CDH13: variants seen among roughly 807,000 people sequenced by gnomAD.
CDH13 encodes cadherin 13, also known as cadherin-13.
In CDH13, 24 loss-of-function variants were observed where a neutral mutation model predicts 63.8. That is an observed-to-expected ratio of 0.38 (90% confidence interval 0.27 to 0.53). CDH13 has a LOEUF of 0.53. Ranked by LOEUF, CDH13 falls within the 20% of genes least tolerant of loss-of-function variation. The probability of loss-of-function intolerance (pLI) is 0.85; values close to 1 mark genes in which losing one functional copy is unlikely to be tolerated. For missense variants in CDH13, 1,049 were observed against 903.1 expected, an observed-to-expected ratio of 1.16 and a Z score of -2.07; for synonymous variants, 503 against 355.3, an observed-to-expected ratio of 1.42 and a Z score of -4.67.
chr16:82,893,257 G>A (rs2041144567), intron 2 of CDH13, among the ~76,000 whole-genome samples: 1 of 152,246 alleles, frequency 6.6e-6, no homozygotes, highest in Non-Finnish European at 1.5e-5. Flanking sequence ...ATACACATAT[G>A]TGTTGGCATC....
At chr16:83,781,688 T>C (rs1404350488) in intron 12 of CDH13, among the ~76,000 whole-genome samples, 1 of 152,162 alleles carries the variant, frequency 6.6e-6, no homozygotes, top group Non-Finnish European at 1.5e-5. Context: ...TTTTATTTGC[T>C]AGTTTTTATG....
At chr16:82,651,522 G>C (rs1910718478) in intron 1 of CDH13, among the ~76,000 whole-genome samples, 1 of 152,214 alleles carries the variant, frequency 6.6e-6, no homozygotes. Flanking sequence ...GAGAGTATAT[G>C]GGTGGCGTAT....
intron 2 of CDH13, among the ~76,000 whole-genome samples, chr16:82,926,966 A>G (rs182022123): frequency 4.6e-5 from 7 of 152,296 alleles, no homozygotes; most frequent in Non-Finnish European, 7.4e-5. Flanking sequence ...TGAGGGCTCA[A>G]TGGGGACTAT....
intron 6 of CDH13, among the ~76,000 whole-genome samples, chr16:83,467,075 T>A (rs1441351958): frequency 6.6e-6 from 1 of 152,004 alleles, no homozygotes; most frequent in African/African-American, 2.4e-5. Context: ...TTCTAAAATT[T>A]CTCCATAAAA....
intron 2 of CDH13, among the ~76,000 whole-genome samples, chr16:82,964,077 G>A (rs897166253): frequency 6.6e-6 from 1 of 152,156 alleles, no homozygotes; most frequent in Non-Finnish European, 1.5e-5. Flanking sequence ...GATTTGTACA[G>A]TATGACCCTC....
chr16:83,231,801 T>C (rs1254822702), intron 5 of CDH13, among the ~76,000 whole-genome samples: 20 of 152,164 alleles, frequency 1.3e-4, no homozygotes, highest in Admixed American at 1.2e-3. Context: ...CCACATCTTA[T>C]ATTGAAATGC....
intron 1 of CDH13, among the ~76,000 whole-genome samples, chr16:82,819,726 A>G (rs1194703005): frequency 2.2e-4 from 33 of 152,242 alleles, no homozygotes; most frequent in Non-Finnish European, 2.9e-5. Context: ...CTTCTTCAAA[A>G]TGTATTGAAT....
chr16:83,658,695 G>T (rs1913128369), intron 8 of CDH13, among the ~76,000 whole-genome samples: 1 of 150,816 alleles, frequency 6.6e-6, no homozygotes, highest in Admixed American at 6.6e-5. Context: ...TCACCACCAG[G>T]TCCCATATCC....
chr16:83,190,316 G>T (rs1393987335), intron 4 of CDH13, among the ~76,000 whole-genome samples: 2 of 152,188 alleles, frequency 1.3e-5, no homozygotes, highest in Non-Finnish European at 2.9e-5. Flanking sequence ...TGGGAGGGTT[G>T]ATGTAAGAAG....
At position 83,275,921 on chromosome 16, in the gene CDH13, C is replaced by G. The variant is rs1015315408; in HGVS notation, c.636+58424C>G. ...CTAATGAAGCACTTTCGTTTTTATG[C>G]TTTATGTTCTATAATAGAAAAAATC... is the stretch of plus-strand genomic sequence containing the variant. On this transcript the variant is annotated intron_variant, in intron 5 of 13. Coordinates refer to ENST00000567109, the MANE Select transcript of CDH13 (RefSeq NM_001257.5). Among the ~76,000 whole-genome samples, 4 of 152,234 alleles carry G rather than the reference C, an allele frequency of 2.6e-5. No homozygotes were observed. In the East Asian group the frequency reaches 7.7e-4, roughly 29 times the overall value.
chr16:83,239,691 A>C (rs1315961131), intron 5 of CDH13, among the ~76,000 whole-genome samples: 1 of 152,170 alleles, frequency 6.6e-6, no homozygotes, highest in Non-Finnish European at 1.5e-5. Context: ...CTCACTGGCT[A>C]ATTCAACAGA....
At chr16:83,350,759 G>A (rs576877284) in intron 6 of CDH13, among the ~76,000 whole-genome samples, 5 of 152,288 alleles carry the variant, frequency 3.3e-5, no homozygotes, top group South Asian at 4.1e-4. Context: ...GGCTCATCTC[G>A]GGAGGGGCCA....
Position 83,350,111 on chromosome 16 carries a change from C to T in CDH13, c.781+5105C>T, listed in dbSNP as rs373182487. Reference sequence around the variant, plus strand: ...GGGGCTTTAATTTCCAGGCACTTGCCGCCAGCTGTGCGCAAGGGAAACCTG... The same window carrying T: ...GGGGCTTTAATTTCCAGGCACTTGCTGCCAGCTGTGCGCAAGGGAAACCTG... On this transcript the variant is annotated intron_variant, in intron 6 of 13. Coordinates refer to ENST00000567109, the MANE Select transcript of CDH13 (RefSeq NM_001257.5). Among the ~76,000 whole-genome samples, 37 of 152,292 alleles carry T rather than the reference C, an allele frequency of 2.4e-4. No homozygotes were observed. In the South Asian group the frequency reaches 4.6e-3, roughly 19 times the overall value.
rs56019142 is a variant in CDH13, at chr16:82,991,680, C to T, written c.158-40330C>T. The stretch of plus-strand genomic sequence containing the variant: ...CTGAAAGCATGGTAATCTCAAGCAA[C>T]CGCTGATGTGAACATTGCGTGTGGC... On this transcript the variant is annotated intron_variant, in intron 2 of 13. Transcript: ENST00000567109. 6.9e-3 allele frequency among the ~76,000 whole-genome samples: 1,047 copies of T among 152,268 alleles called. 6 individuals are homozygous for T. Among genetic ancestry groups the T allele is most frequent in the Middle Eastern group, 0.014 (4 of 294 alleles).
chr16:83,603,952 C>T (rs75937027), intron 8 of CDH13, among the ~76,000 whole-genome samples: 2,570 of 152,158 alleles, frequency 0.017, 96 homozygotes, highest in African/African-American at 0.058. Flanking sequence ...GAAGGTGCCA[C>T]ACACTTTTAA....
chr16:82,993,627 G>C (rs1911892381), intron 2 of CDH13, among the ~76,000 whole-genome samples: 1 of 152,144 alleles, frequency 6.6e-6, no homozygotes, highest in Admixed American at 6.5e-5. Context: ...TTAAAGACAT[G>C]TTATATCAGA....
chr16:83,033,641 G>C (rs1018991476), intron 3 of CDH13, among the ~76,000 whole-genome samples: 2 of 152,150 alleles, frequency 1.3e-5, no homozygotes, highest in Non-Finnish European at 2.9e-5. Context: ...CATGCATGCA[G>C]ATCCCTGCAC....
intron 5 of CDH13, among the ~76,000 whole-genome samples, chr16:83,340,001 G>A (rs1204187538): frequency 6.6e-6 from 1 of 152,106 alleles, no homozygotes; most frequent in African/African-American, 2.4e-5. Flanking sequence ...CAAGGCTAAG[G>A]CAATACAGGG....
At chr16:83,043,179 G>A (rs1917474140) in intron 3 of CDH13, among the ~76,000 whole-genome samples, 1 of 152,042 alleles carries the variant, frequency 6.6e-6, no homozygotes, top group East Asian at 1.9e-4. Context: ...TAGATAAAAA[G>A]ACATCCTTCA....
Sources: gnomAD v4.1 joint callset for allele counts (sites outside exome capture counted in the v4.1 genomes callset) on GRCh38, gnomAD v4.1.1 for gene constraint, MANE v1.5 for transcripts, NCBI Gene and HGNC (gene_info 2026-07-23, HGNC 2026-07-21) for gene names.